The following WWOX variants were observed in gnomAD, a reference collection of about 807,000 sequenced individuals.
WWOX encodes WW domain containing oxidoreductase.
In WWOX, 69 loss-of-function variants were observed where a neutral mutation model predicts 46.2. That is an observed-to-expected ratio of 1.49 (90% confidence interval 1.23 to 1.82). WWOX has a LOEUF of 1.82. Among genes scored for constraint, WWOX ranks in the 40% most tolerant of loss-of-function variants. The pLI is 0.00. For synonymous variants in WWOX, 359 were observed against 202.6 expected (o/e 1.77, Z -6.56); for missense variants, 919 against 542.6 (o/e 1.69, Z -6.89).
At chr16:78,261,770 A>C (rs1303098258) in intron 5 of WWOX, among the ~76,000 whole-genome samples, 2 of 132,592 alleles carry the variant, frequency 1.5e-5, no homozygotes, top group African/African-American at 2.9e-5. Context: ...CTATCTATCT[A>C]TGTATCTATC....
chr16:78,224,238 C>T (rs957281164), intron 5 of WWOX, among the ~76,000 whole-genome samples: 4 of 152,182 alleles, frequency 2.6e-5, no homozygotes, highest in South Asian at 4.2e-4. Flanking sequence ...CTCCTGACCT[C>T]GTGATCCGCC....
intron 8 of WWOX, among the ~76,000 whole-genome samples, chr16:79,021,898 G>A (rs1371818147): frequency 1.3e-5 from 2 of 152,198 alleles, no homozygotes; most frequent in Admixed American, 6.5e-5. Context: ...GAGCCAGGAT[G>A]AGCTGGGACC....
intron 5 of WWOX, among the ~76,000 whole-genome samples, chr16:78,311,321 A>G (rs1323523248): frequency 1.3e-5 from 2 of 152,278 alleles, no homozygotes; most frequent in East Asian, 1.9e-4. Context: ...TTGATCATCT[A>G]AGCAATGAAC....
chr16:78,539,248 T>C (rs1296643938), intron 8 of WWOX, among the ~76,000 whole-genome samples: 1 of 152,232 alleles, frequency 6.6e-6, no homozygotes, highest in South Asian at 2.1e-4. Flanking sequence ...AGTAATTAGA[T>C]GCACAGACAA....
At chr16:78,577,803 A>G (rs1024722937) in intron 8 of WWOX, among the ~76,000 whole-genome samples, 6 of 152,146 alleles carry the variant, frequency 3.9e-5, no homozygotes, top group Admixed American at 6.5e-5. Context: ...AATGTCAATG[A>G]CATGACTTTC....
intron 8 of WWOX, among the ~76,000 whole-genome samples, chr16:78,661,861 G>C (rs2550642): frequency 4.6e-5 from 7 of 152,200 alleles, no homozygotes; most frequent in Non-Finnish European, 2.9e-5. Context: ...AACAGCCTGA[G>C]GCAAAACCTC....
rs527901785 is a variant in WWOX at position 79,075,941 on chromosome 16, C to T, written c.1057-135667C>T. On this transcript the variant is annotated intron_variant, in intron 8 of 8. Transcript: ENST00000566780. ...GACTTAAATTTAGTTAACATCTGCT[C>T]TAACGTTGGATCATGTGTGGAGTCC... Among the ~76,000 whole-genome samples, 3 of 152,268 alleles carry T rather than the reference C, an allele frequency of 2.0e-5. No homozygotes were observed. In the East Asian group the frequency reaches 5.8e-4, roughly 29 times the overall value.
At chr16:78,907,934 C>G (rs1257355478) in intron 8 of WWOX, among the ~76,000 whole-genome samples, 1 of 152,140 alleles carries the variant, frequency 6.6e-6, no homozygotes, top group East Asian at 1.9e-4. Flanking sequence ...CCCCAGTGAA[C>G]AGATGAGAAA....
At chr16:78,589,136 G>T (rs1346568268) in intron 8 of WWOX, among the ~76,000 whole-genome samples, 1 of 152,200 alleles carries the variant, frequency 6.6e-6, no homozygotes, top group African/African-American at 2.4e-5. Flanking sequence ...TTTTGGCAGG[G>T]TTGAGTCTAG....
At chr16:78,486,585 G>GTTTTGTTTTGTTTTGTTTTC (rs147095069) in intron 8 of WWOX, among the ~76,000 whole-genome samples, 203 of 151,246 alleles carry the variant, frequency 1.3e-3, no homozygotes, top group African/African-American at 4.7e-3. Flanking sequence ...GTTTTGTTTT[G>GTTTTGTTTTGTTTTGTTTTC]TTTTGTTTTG....
chr16:78,164,134 A>T (rs778740182), intron 4 of WWOX, 49 bp from the exon 5 acceptor site: 2 of 1,522,516 alleles, frequency 1.3e-6, no homozygotes, highest in Non-Finnish European at 1.8e-6. Context: ...AACATGACTC[A>T]CTGTGTTGAT....
chr16:78,684,312 G>A lies in WWOX; in HGVS notation c.1056+251560G>A, dbSNP rs149093134. On this transcript the variant is annotated intron_variant, in intron 8 of 8. Transcript: ENST00000566780. ...TGTACTCAGAGTGGGGAAGGGGAGC[G>A]GTGGCAGGTAATACAAAACCCACCT... is the stretch of plus-strand genomic sequence containing the variant. Among the ~76,000 whole-genome samples, 8 of 152,280 alleles carry A rather than the reference G, an allele frequency of 5.3e-5. No individual in the cohort carries two copies. The East Asian group carries it at 1.4e-3, about 26-fold the overall frequency.
At chr16:78,766,580 C>G (rs940632587) in intron 8 of WWOX, among the ~76,000 whole-genome samples, 1 of 152,180 alleles carries the variant, frequency 6.6e-6, no homozygotes, top group African/African-American at 2.4e-5. Context: ...AGAGGGAGAG[C>G]TTGTCTCCTT....
At chr16:78,715,202 A>G (rs757079309) in intron 8 of WWOX, among the ~76,000 whole-genome samples, 1 of 152,228 alleles carries the variant, frequency 6.6e-6, no homozygotes, top group African/African-American at 2.4e-5. Context: ...AAAAGAGTTC[A>G]GTTGCAAGTT....
At chr16:78,575,091 A>G (rs1383665882) in intron 8 of WWOX, among the ~76,000 whole-genome samples, 1 of 53,562 alleles carries the variant, frequency 1.9e-5, no homozygotes, top group Non-Finnish European at 3.7e-5. Context: ...ATATATATAT[A>G]TATATTTAAA....
chr16:79,064,399 G>A (rs1029600262), intron 8 of WWOX, among the ~76,000 whole-genome samples: 1 of 152,178 alleles, frequency 6.6e-6, no homozygotes, highest in East Asian at 1.9e-4. Flanking sequence ...TAGACCTAAA[G>A]GTTATTTTGA....
At chr16:78,725,205 A>G (rs868319841) in intron 8 of WWOX, among the ~76,000 whole-genome samples, 1 of 151,692 alleles carries the variant, frequency 6.6e-6, no homozygotes, top group South Asian at 2.1e-4. Context: ...GCCATGTATG[A>G]TGTGCCTTTC....
At chr16:78,472,172 A>C (rs1188964705) in intron 8 of WWOX, among the ~76,000 whole-genome samples, 4 of 152,150 alleles carry the variant, frequency 2.6e-5, no homozygotes, top group Non-Finnish European at 5.9e-5. Flanking sequence ...GCATAATTCA[A>C]ATTAAAACCC....
chr16:78,321,893 C>A (rs561012723), intron 5 of WWOX, among the ~76,000 whole-genome samples: 1 of 152,282 alleles, frequency 6.6e-6, no homozygotes, highest in Admixed American at 6.5e-5. Flanking sequence ...GACATGCGCT[C>A]TTCCCAACCA....
Sources: gnomAD v4.1 joint callset for allele counts (sites outside exome capture counted in the v4.1 genomes callset) on GRCh38, gnomAD v4.1.1 for gene constraint, MANE v1.5 for transcripts, NCBI Gene and HGNC (gene_info 2026-07-23, HGNC 2026-07-21) for gene names.